MEAK7: variants seen among roughly 807,000 people sequenced by gnomAD.
The protein encoded by MEAK7 is MTOR associated protein MEAK7.
A neutral mutation model predicts 40.5 loss-of-function variants in MEAK7; 68 were observed. The observed-to-expected ratio is 1.68, with a 90% CI of 1.38 to 2.06. MEAK7 has a LOEUF of 2.06. Ranked by LOEUF, MEAK7 falls within the 30% of genes most tolerant of loss-of-function variation. The pLI is 0.00. For missense variants in MEAK7, 918 were observed against 580.5 expected (o/e 1.58, Z -5.98); for synonymous variants, 338 against 231.9 (o/e 1.46, Z -4.16).
At chr16:84,495,085 G>A (rs368418054) in intron 3 of MEAK7, among the ~76,000 whole-genome samples, 8 of 152,132 alleles carry the variant, frequency 5.3e-5, no homozygotes, top group East Asian at 1.9e-4. Flanking sequence ...CCTGGCCAAC[G>A]TGGTGAAACC....
chr16:84,498,713 A>G (rs374330572), intron 1 of MEAK7, among the ~76,000 whole-genome samples: 90 of 152,326 alleles, frequency 5.9e-4, no homozygotes, highest in South Asian at 4.8e-3. Flanking sequence ...CCAAGCTAAT[A>G]TAATCAAAGG....
Position 84,478,501 on chromosome 16 carries a change from C to A in MEAK7, c.*1412G>T, listed in dbSNP as rs552567369. On this transcript the variant is annotated 3_prime_UTR_variant, in exon 8 of 8. Coordinates refer to ENST00000343629, the MANE Select transcript of MEAK7 (RefSeq NM_020947.4). ...ACTATACAATAAGAGGTTGTATTTT[C>A]ATCAGATCTGCAAAAGGTCAAAGCT... The A allele has an allele frequency of 6.6e-6, 1 of 152,332 alleles. No individual in the cohort carries two copies. The highest frequency in any genetic ancestry group is 2.1e-4 in the South Asian group (1 of 4,826). The allele number at this position is 152,332 out of a possible 1,614,324, so 9.4% of individuals were successfully genotyped here.
chr16:84,499,302 GAA>G (rs1301975220), intron 1 of MEAK7, among the ~76,000 whole-genome samples: 4 of 152,162 alleles, frequency 2.6e-5, no homozygotes, highest in African/African-American at 4.8e-5. Flanking sequence ...ACTTTTTCCG[GAA>G]ACCCAGTGTC....
chr16:84,498,346 G>A (rs375032945), intron 1 of MEAK7, among the ~76,000 whole-genome samples: 20 of 152,188 alleles, frequency 1.3e-4, no homozygotes, highest in African/African-American at 4.3e-4. Context: ...ACAGCTCCCT[G>A]CAGCCTCAAC....
chr16:84,485,505 G>C (rs1912954163), intron 5 of MEAK7, among the ~76,000 whole-genome samples: 2 of 152,182 alleles, frequency 1.3e-5, no homozygotes, highest in African/African-American at 4.8e-5. Flanking sequence ...GACGATTCCA[G>C]AGGTGCGGGG....
chr16:84,497,254 G>T, intron 2 of MEAK7: 1 of 420,404 alleles, frequency 2.4e-6, no homozygotes, highest in Non-Finnish European at 4.1e-6. Context: ...CCTTGTCAGT[G>T]TCTTGCCTCA....
intron 4 of MEAK7, chr16:84,487,508 A>ACC: frequency 1.3e-5 from 2 of 159,616 alleles, no homozygotes; most frequent in Non-Finnish European, 1.4e-5. Flanking sequence ...ATGGGGCTGG[A>ACC]ATAAATGCCT....
At chr16:84,488,778 A>T (rs1052820539) in intron 4 of MEAK7, among the ~76,000 whole-genome samples, 1 of 152,252 alleles carries the variant, frequency 6.6e-6, no homozygotes, top group African/African-American at 2.4e-5. Flanking sequence ...AACTTATGGC[A>T]TGCAGCGAAG....
chr16:84,487,887 T>A (rs1396862385), intron 4 of MEAK7: 1 of 152,174 alleles, frequency 6.6e-6, no homozygotes, highest in African/African-American at 2.4e-5. Flanking sequence ...CGCTCGGTTA[T>A]TACAAGGAAC....
chr16:84,501,549 G>A (rs1019739489), intron 1 of MEAK7, among the ~76,000 whole-genome samples: 1 of 152,174 alleles, frequency 6.6e-6, no homozygotes, highest in African/African-American at 2.4e-5. Flanking sequence ...GGCAGGACAG[G>A]AACCCAGAAA....
intron 2 of MEAK7, chr16:84,497,248 G>A: frequency 2.5e-6 from 1 of 397,570 alleles, no homozygotes; most frequent in Non-Finnish European, 4.5e-6. Flanking sequence ...GCATCTCCTT[G>A]TCAGTGTCTT....
chr16:84,500,619 G>A (rs979503008), intron 1 of MEAK7, among the ~76,000 whole-genome samples: 9 of 152,166 alleles, frequency 5.9e-5, no homozygotes, highest in East Asian at 1.9e-4. Flanking sequence ...ACCCGACCCC[G>A]TTTGGGTGCT....
chr16:84,482,537 AC>A, intron 6 of MEAK7, 54 bp downstream of exon 6: 1 of 1,613,176 alleles, frequency 6.2e-7, no homozygotes, highest in South Asian at 1.1e-5. Flanking sequence ...CGGGGTTGAC[AC>A]CTTTGCTGGG....
rs1321084008 is a variant in MEAK7, at chr16:84,477,412, A to C, written c.*2501T>G. 1.3e-5 allele frequency: 2 copies of C among 151,914 alleles called. No homozygotes were observed. Among genetic ancestry groups the C allele is most frequent in the Admixed American group, 1.3e-4 (2 of 15,240 alleles). The allele number at this position is 151,914 out of a possible 1,614,324, so 9.4% of individuals were successfully genotyped here. On this transcript the variant is annotated 3_prime_UTR_variant, in exon 8 of 8. Transcript: ENST00000343629. Reference sequence around the variant, plus strand: ...CTCCATGTTGGTCAGGCTGGTCTCGAACTTCCGACCTCAGGTGATCCGCCT... The same window carrying C: ...CTCCATGTTGGTCAGGCTGGTCTCGCACTTCCGACCTCAGGTGATCCGCCT...
At chr16:84,489,206 G>T in intron 4 of MEAK7, 72 bp downstream of exon 4, 1 of 1,539,942 alleles carries the variant, frequency 6.5e-7, no homozygotes. Context: ...TTACTACACA[G>T]CTACAGTAAT....
chr16:84,483,484 G>T (rs1002729793), intron 5 of MEAK7, among the ~76,000 whole-genome samples: 1 of 152,252 alleles, frequency 6.6e-6, no homozygotes, highest in Non-Finnish European at 1.5e-5. Context: ...CTGGAAGGCT[G>T]CAGAGAAACA....
chr16:84,496,114 T>A (rs1019257304), intron 2 of MEAK7, among the ~76,000 whole-genome samples: 1 of 152,206 alleles, frequency 6.6e-6, no homozygotes, highest in Non-Finnish European at 1.5e-5. Context: ...TGCCGGCCAT[T>A]AGAAACTGGG....
At chr16:84,492,285 A>C (rs402606) in intron 3 of MEAK7, among the ~76,000 whole-genome samples, 71,057 of 151,916 alleles carry the variant, frequency 0.47, 17,482 homozygotes, top group South Asian at 0.6. Context: ...AGCATAACCC[A>C]CCTTTTCATT....
At chr16:84,480,065 G>C (rs374406329) in intron 7 of MEAK7, 39 bp from the exon 8 acceptor site, 37 of 1,494,758 alleles carry the variant, frequency 2.5e-5, no homozygotes, top group African/African-American at 4.2e-5. Context: ...TTCCATGATG[G>C]CCCAACAAGA....
Sources: gnomAD v4.1 joint callset for allele counts (sites outside exome capture counted in the v4.1 genomes callset) on GRCh38, gnomAD v4.1.1 for gene constraint, MANE v1.5 for transcripts, NCBI Gene and HGNC (gene_info 2026-07-23, HGNC 2026-07-21) for gene names.